Variants in OTUD7B observed in about 807,000 individuals in gnomAD.
The protein encoded by OTUD7B is OTU deubiquitinase 7B.
In OTUD7B, 34 loss-of-function variants were observed where a neutral mutation model predicts 82.2. The observed-to-expected ratio is 0.41, with a 90% CI of 0.31 to 0.55. OTUD7B has a LOEUF of 0.55. Among genes scored for constraint, OTUD7B ranks in the 20% least tolerant of loss-of-function variants. The probability of loss-of-function intolerance (pLI) is 0.20; values close to 1 mark genes in which losing one functional copy is unlikely to be tolerated. For synonymous variants in OTUD7B, 398 were observed against 402.7 expected, an observed-to-expected ratio of 0.99 and a Z score of 0.14; for missense variants, 944 against 1,062.1, an observed-to-expected ratio of 0.89 and a Z score of 1.55.
chr1:150,065,849 G>GTTTTTTT, the OTUD7B span, among the ~76,000 whole-genome samples: 1 of 151,516 alleles, frequency 6.6e-6, no homozygotes, highest in African/African-American at 2.5e-5. Flanking sequence ...TGTTCAAAAT[G>GTTTTTTT]TTTATGTTCC....
chr1:149,950,370 GATT>G, intron 7 of OTUD7B, 149 bp from the exon 8 acceptor site: 1 of 731,702 alleles, frequency 1.4e-6, no homozygotes, highest in Non-Finnish European at 2.2e-6. Context: ...TGATATAGCT[GATT>G]ATTTTATGCT....
chr1:150,026,666 G>A, the OTUD7B span, among the ~76,000 whole-genome samples: 21 of 152,062 alleles, frequency 1.4e-4, no homozygotes, highest in African/African-American at 5.1e-4. Context: ...TATAAGCCCA[G>A]GGCTACTTAA....
the OTUD7B span, among the ~76,000 whole-genome samples, chr1:150,018,532 T>G: frequency 6.6e-6 from 1 of 152,146 alleles, no homozygotes; most frequent in African/African-American, 2.4e-5. Context: ...AGACCCTCTA[T>G]ATGAGCAAAA....
At chr1:150,016,231 A>C in the OTUD7B span, among the ~76,000 whole-genome samples, 2 of 152,268 alleles carry the variant, frequency 1.3e-5, no homozygotes, top group Admixed American at 1.3e-4. Flanking sequence ...AAATGTCATC[A>C]ACAATACCTC....
At chr1:149,990,038 C>T (rs1651454577) in intron 1 of OTUD7B, among the ~76,000 whole-genome samples, 1 of 152,200 alleles carries the variant, frequency 6.6e-6, no homozygotes, top group Admixed American at 6.5e-5. Flanking sequence ...ATCAGTCATT[C>T]ATTCAAAATT....
intron 7 of OTUD7B, among the ~76,000 whole-genome samples, chr1:149,953,321 T>C (rs587615240): frequency 1.2e-4 from 19 of 152,342 alleles, no homozygotes; most frequent in African/African-American, 4.6e-4. Context: ...TCCCCATTTC[T>C]TGTTTTTGTC....
the OTUD7B span, among the ~76,000 whole-genome samples, chr1:150,028,170 T>C: frequency 6.6e-6 from 1 of 152,216 alleles, no homozygotes; most frequent in Non-Finnish European, 1.5e-5. Context: ...TAGGATGCAG[T>C]TGTCAATAGT....
At chr1:149,963,542 T>C (rs997390142) in intron 6 of OTUD7B, 1 of 95,216 alleles carries the variant, frequency 1.1e-5, no homozygotes, top group Non-Finnish European at 2.0e-5. Context: ...AAGGTTTTTT[T>C]GTTTTTGTTT....
At chr1:149,973,608 C>G (rs12064565) in intron 2 of OTUD7B, among the ~76,000 whole-genome samples, 12 of 151,796 alleles carry the variant, frequency 7.9e-5, no homozygotes, top group African/African-American at 2.4e-4. Context: ...GCCTCAGCCT[C>G]TCGAGTAACT....
At chr1:150,040,141 C>T in the OTUD7B span, among the ~76,000 whole-genome samples, 1 of 152,148 alleles carries the variant, frequency 6.6e-6, no homozygotes, top group African/African-American at 2.4e-5. Context: ...AGGAAATTTC[C>T]TTTTCCTAGC....
the OTUD7B span, among the ~76,000 whole-genome samples, chr1:150,059,944 C>T: frequency 6.6e-6 from 1 of 151,656 alleles, no homozygotes; most frequent in Non-Finnish European, 1.5e-5. Context: ...CCATTGCAAA[C>T]AAACAAAAAA....
the OTUD7B span, among the ~76,000 whole-genome samples, chr1:150,026,950 G>C: frequency 6.6e-6 from 1 of 152,070 alleles, no homozygotes; most frequent in Non-Finnish European, 1.5e-5. Context: ...ATAAATTGTA[G>C]AAATACTTAG....
the OTUD7B span, among the ~76,000 whole-genome samples, chr1:150,037,710 C>T: frequency 3.3e-5 from 5 of 152,136 alleles, no homozygotes; most frequent in East Asian, 7.7e-4. Flanking sequence ...ATGCCTCAGC[C>T]TCCCGCGTAG....
chr1:149,959,770 T>A lies in OTUD7B; in HGVS notation c.759A>T (p.Glu253Asp), dbSNP rs1649002751. ...TCAGTTCATTCCACTCCTTCTGCCA[T>A]TCATCTTCTGTGTATACCAGCCCTG... ...KESGLVYTEDEWQKEWNELIK... is the reference protein window; with the variant it reads ...KESGLVYTEDDWQKEWNELIK... The change falls in exon 7 of 12, where the codon GAA becomes GAT. Residue 253 changes from glutamate (E) to aspartate (D), a missense_variant. Physicochemically the swap from Glu to Asp is conservative, Grantham distance 45 (BLOSUM62 2). Around this residue, in one of 3 missense-constraint regions of OTUD7B, gnomAD observed 530 missense variants for 625.6 expected, o/e 0.85. Coordinates refer to ENST00000581312, the MANE Select transcript of OTUD7B (RefSeq NM_020205.4). The A allele has an allele frequency of 6.2e-7, 1 of 1,613,786 alleles. No homozygotes were observed. Among genetic ancestry groups the A allele is most frequent in the African/African-American group, 1.3e-5 (1 of 74,914 alleles).
intron 1 of OTUD7B, among the ~76,000 whole-genome samples, chr1:150,008,426 T>C (rs1652806504): frequency 6.6e-6 from 1 of 152,088 alleles, no homozygotes. Flanking sequence ...ATTAAACAAA[T>C]AAAGCTTTGG....
intron 1 of OTUD7B, among the ~76,000 whole-genome samples, chr1:149,978,005 CTAATA>C (rs1559850701): frequency 6.6e-6 from 1 of 152,208 alleles, no homozygotes; most frequent in Non-Finnish European, 1.5e-5. Context: ...GCCATCTCCT[CTAATA>C]TATGTTTCTT....
chr1:150,040,949 A>G, the OTUD7B span, among the ~76,000 whole-genome samples: 4 of 152,058 alleles, frequency 2.6e-5, no homozygotes, highest in African/African-American at 9.7e-5. Flanking sequence ...ACTTCAAGAG[A>G]TCTGCCCTCC....
chr1:149,995,968 C>T (rs1202114687), intron 1 of OTUD7B, among the ~76,000 whole-genome samples: 2 of 152,190 alleles, frequency 1.3e-5, no homozygotes, highest in African/African-American at 2.4e-5. Flanking sequence ...ATACAGAAAG[C>T]TTTTTCTATT....
Position 149,964,412 on chromosome 1 carries a change from A to C in OTUD7B, c.605-63T>G, listed in dbSNP as rs782225526. ...TGACTCTGCTAATTTTTGTATTTTT[A>C]GTAGAGATGGGGTTTCACCATGTTG... On this transcript the variant is annotated intron_variant, in intron 5 of 11. Transcript: ENST00000581312. 2.6e-6 allele frequency: 4 copies of C among 1,551,442 alleles called. No individual in the cohort carries two copies. In the East Asian group the frequency reaches 9.0e-5, roughly 35 times the overall value.
Sources: gnomAD v4.1 joint callset for allele counts (sites outside exome capture counted in the v4.1 genomes callset) on GRCh38, gnomAD v4.1.1 for gene constraint, gnomAD v4.1.1 regional missense constraint, MANE v1.5 for transcripts, NCBI Gene and HGNC (gene_info 2026-07-23, HGNC 2026-07-21) for gene names.